MZT2B: variants seen among roughly 807,000 people sequenced by gnomAD.
MZT2B encodes the protein mitotic spindle organizing protein 2B, also known as mitotic-spindle organizing protein 2B.
Under a neutral mutation model 12.1 loss-of-function variants are expected in MZT2B, and 11 were observed. The observed-to-expected ratio is 0.91, with a 90% confidence interval of 0.57 to 1.50. MZT2B has a LOEUF of 1.50. MZT2B is among the 40% of genes most tolerant of loss of function. MZT2B has a pLI of 0.00. For synonymous variants in MZT2B, 85 were observed against 109.5 expected, an observed-to-expected ratio of 0.78 and a Z score of 1.40; for missense variants, 209 against 227.7, an observed-to-expected ratio of 0.92 and a Z score of 0.53.
downstream of MZT2B, chr2:130,192,054 A>G (rs1307088779): frequency 1.2e-6 from 2 of 1,613,886 alleles, no homozygotes; most frequent in Non-Finnish European, 1.7e-6. Flanking sequence ...GTTGCTCAGC[A>G]TGCACACGGC....
rs532578952 is a variant in MZT2B, at chr2:130,186,906, A to G, written c.320-3563A>G. Among the ~76,000 whole-genome samples the G allele has an allele frequency of 3.4e-5, 5 of 146,436 alleles. No homozygotes were observed. The South Asian group carries it at 1.1e-3, about 33-fold the overall frequency. On this transcript the variant is annotated intron_variant, in intron 2 of 2. Transcript: ENST00000281871. ...GGGTGAGAGAGTGAGACCCTGTCTC[A>G]AAAATAAACAAAAAACCCCAAAGTG...
upstream of MZT2B, chr2:130,182,200 G>A (rs1342413418): frequency 2.4e-6 from 3 of 1,251,572 alleles, no homozygotes; most frequent in Admixed American, 8.1e-5. Context: ...GAGGCCAGAC[G>A]TTGACGCTGC....
At chr2:130,186,830 TG>T (rs1369298718) in intron 2 of MZT2B, among the ~76,000 whole-genome samples, 1 of 151,878 alleles carries the variant, frequency 6.6e-6, no homozygotes, top group Non-Finnish European at 1.5e-5. Context: ...TGCTTGAGCC[TG>T]GGAGGTTGAG....
At chr2:130,200,670 G>A in the MZT2B span, among the ~76,000 whole-genome samples, 12,887 of 135,768 alleles carry the variant, frequency 0.095, no homozygotes, top group African/African-American at 0.26. Context: ...CAGGAAAGGG[G>A]AAGGCACACC....
downstream of MZT2B, among the ~76,000 whole-genome samples, chr2:130,193,575 C>T (rs1158272864): frequency 4.1e-5 from 6 of 146,434 alleles, no homozygotes; most frequent in Admixed American, 3.5e-4. Context: ...CACCACTGCA[C>T]TCCAGCCTGG....
the MZT2B span, among the ~76,000 whole-genome samples, chr2:130,203,350 G>C: frequency 1.8e-3 from 273 of 152,284 alleles, no homozygotes; most frequent in African/African-American, 6.2e-3. Context: ...GAGAGGCCTG[G>C]GGAGGCCTTT....
downstream of MZT2B, among the ~76,000 whole-genome samples, chr2:130,193,022 G>A (rs1182513663): frequency 6.6e-6 from 1 of 151,808 alleles, no homozygotes; most frequent in Non-Finnish European, 1.5e-5. Flanking sequence ...GAACCCGGGA[G>A]GTGGAGGTTG....
At chr2:130,189,569 C>T (rs1176413428) in intron 2 of MZT2B, among the ~76,000 whole-genome samples, 1 of 152,158 alleles carries the variant, frequency 6.6e-6, no homozygotes, top group Non-Finnish European at 1.5e-5. Context: ...GGGGAGAGCC[C>T]TGGCCAAGGC....
In MZT2B at chr2:130,183,630, C is replaced by T. The variant is rs978171409; in HGVS notation, c.319+855C>T. ...AGCACGAGGAGACCCGCACAGGCAT[C>T]CTGAGAAGGCGTGGAGAGCAGGCTG... is the stretch of plus-strand genomic sequence containing the variant. On this transcript the variant is annotated intron_variant, in intron 2 of 2. Transcript: ENST00000281871. 9.4e-6 allele frequency: 12 copies of T among 1,279,396 alleles called. No individual in the cohort carries two copies. The African/African-American group carries it at 1.6e-4, about 17-fold the overall frequency. The allele number at this position is 1,279,396 out of a possible 1,614,324, so 79.3% of individuals were successfully genotyped here.
At chr2:130,198,206 A>T in the MZT2B span, 6 of 916,098 alleles carry the variant, frequency 6.5e-6, 1 homozygote, top group African/African-American at 1.9e-5. Flanking sequence ...CAGATCCAGG[A>T]AACGATCCCG....
chr2:130,182,217 A>T, upstream of MZT2B: 1 of 1,233,054 alleles, frequency 8.1e-7, no homozygotes, highest in Non-Finnish European at 1.0e-6. Flanking sequence ...CTGCAGGGAG[A>T]GGGTGGTGGG....
At chr2:130,190,417 T>C in intron 2 of MZT2B, 52 bp from the exon 3 acceptor site, 2 of 1,597,980 alleles carry the variant, frequency 1.3e-6, no homozygotes, top group Non-Finnish European at 1.7e-6. Flanking sequence ...CAGCAGGTGC[T>C]GCAGTTACGG....
the MZT2B span, among the ~76,000 whole-genome samples, chr2:130,199,182 C>A: frequency 5.0e-5 from 6 of 119,532 alleles, no homozygotes; most frequent in African/African-American, 1.8e-4. Flanking sequence ...ACAGCACACT[C>A]CAGCCTGGGC....
intron 2 of MZT2B, chr2:130,184,247 A>G (rs3748890): frequency 0.41 from 559,940 of 1,367,346 alleles, 116,959 homozygotes; most frequent in African/African-American, 0.6. Flanking sequence ...CCCCTCTCCA[A>G]GGGAAGACAG....
At chr2:130,202,242 A>G in the MZT2B span, 3 of 1,168,668 alleles carry the variant, frequency 2.6e-6, no homozygotes, top group African/African-American at 1.6e-5. Context: ...AATCATTTCA[A>G]TAAGTCAGCT....
chr2:130,195,323 G>C (rs536921904), downstream of MZT2B: 1 of 1,509,304 alleles, frequency 6.6e-7, no homozygotes, highest in East Asian at 2.3e-5. Context: ...AGCACATGCT[G>C]TTCAAAGTAC....
downstream of MZT2B, chr2:130,192,061 C>T (rs1248080553): frequency 6.8e-6 from 11 of 1,613,478 alleles, no homozygotes; most frequent in Middle Eastern, 1.6e-4. Flanking sequence ...AGCATGCACA[C>T]GGCCCGCTGC....
rs574750874 is a variant in MZT2B at position 130,183,873 on chromosome 2, C to A, written c.319+1098C>A. ...CCCGCAGCCTGCGGCCTCTCCGGTT[C>A]TGCTCCACAGCCCGGCTGCCACACA... On this transcript the variant is annotated intron_variant, in intron 2 of 2. Coordinates refer to ENST00000281871, the MANE Select transcript of MZT2B (RefSeq NM_025029.5). 2.5e-4 allele frequency: 391 copies of A among 1,550,578 alleles called. 1 individual carries two copies. Among genetic ancestry groups the A allele is most frequent in the Non-Finnish European group, 3.2e-4 (365 of 1,146,940 alleles).
chr2:130,202,068 T>C, the MZT2B span, among the ~76,000 whole-genome samples: 273 of 151,608 alleles, frequency 1.8e-3, no homozygotes, highest in African/African-American at 6.4e-3. Context: ...TATTCTACTG[T>C]AAATGACAAA....
Sources: allele counts gnomAD v4.1 joint callset (sites outside exome capture counted in the v4.1 genomes callset), GRCh38; gene constraint gnomAD v4.1.1; transcripts MANE v1.5; gene names NCBI Gene and HGNC (gene_info 2026-07-23, HGNC 2026-07-21).